The following SLC38A1 variants were observed in gnomAD, a reference collection of about 807,000 sequenced individuals.
The protein encoded by SLC38A1 is solute carrier family 38 member 1, also known as sodium-coupled neutral amino acid symporter 1.
Under a neutral mutation model 60.3 loss-of-function variants are expected in SLC38A1, and 18 were observed. The ratio of observed to expected loss-of-function variants is 0.30; its 90% CI spans 0.21 to 0.44. SLC38A1 has a LOEUF of 0.44. Among genes scored for constraint, SLC38A1 ranks in the 20% least tolerant of loss-of-function variants. The pLI, the probability that SLC38A1 is intolerant of heterozygous loss-of-function variation, is 1.00. For synonymous variants in SLC38A1, 196 were observed against 212.1 expected (o/e 0.92, Z 0.66); for missense variants, 448 against 587.2 (o/e 0.76, Z 2.45).
intron 15 of SLC38A1, 33 bp from the exon 16 acceptor site, chr12:46,197,850 T>C: frequency 6.9e-6 from 11 of 1,602,776 alleles, no homozygotes; most frequent in Non-Finnish European, 9.4e-6. Flanking sequence ...AAGTTTAGCA[T>C]TGCTATTGTG....
At chr12:46,240,560 A>T (rs530915684) in intron 2 of SLC38A1, among the ~76,000 whole-genome samples, 27 of 152,332 alleles carry the variant, frequency 1.8e-4, no homozygotes, top group African/African-American at 5.5e-4. Context: ...CAGAGCACAC[A>T]CATAGCTGGT....
intron 5 of SLC38A1, among the ~76,000 whole-genome samples, chr12:46,214,458 A>T (rs1012815510): frequency 1.3e-5 from 2 of 152,236 alleles, no homozygotes; most frequent in Non-Finnish European, 2.9e-5. Context: ...TAATTTACCC[A>T]AAGATTATAT....
At chr12:46,211,568 T>C (rs951320570) in intron 5 of SLC38A1, among the ~76,000 whole-genome samples, 1 of 152,270 alleles carries the variant, frequency 6.6e-6, no homozygotes, top group African/African-American at 2.4e-5. Context: ...ACACAATCTA[T>C]GTGTTGAATC....
chr12:46,250,338 C>T (rs1941791434), intron 1 of SLC38A1, among the ~76,000 whole-genome samples: 1 of 152,162 alleles, frequency 6.6e-6, no homozygotes, highest in African/African-American at 2.4e-5. Flanking sequence ...GAACGTTTCT[C>T]AAAATAACAA....
In SLC38A1 at chr12:46,198,763, AG is replaced by A; in HGVS notation, c.1004-21del. 6.6e-7 allele frequency: 1 copy of A among 1,510,544 alleles called. No homozygotes were observed. The highest frequency in any genetic ancestry group is 9.1e-7 in the Non-Finnish European group (1 of 1,098,670). The allele number at this position is 1,510,544 out of a possible 1,614,324, so 93.6% of individuals were successfully genotyped here. ...CGTTGTCTAAAATGAGGGAAAAGCA[AG>A]AGGGTTTTAAAAGGAGACAAAGTAT... On this transcript the variant is annotated intron_variant, in intron 13 of 16. Transcript: ENST00000398637.
At chr12:46,210,562 C>G (rs529355567) in intron 5 of SLC38A1, among the ~76,000 whole-genome samples, 2 of 152,036 alleles carry the variant, frequency 1.3e-5, no homozygotes, top group Non-Finnish European at 2.9e-5. Context: ...GTGTCCCCAC[C>G]GAAATCTCAC....
chr12:46,252,165 A>C (rs1369017628), intron 1 of SLC38A1, among the ~76,000 whole-genome samples: 1 of 152,248 alleles, frequency 6.6e-6, no homozygotes, highest in Non-Finnish European at 1.5e-5. Flanking sequence ...GCCATAAAAA[A>C]GGATGAGTTC....
intron 1 of SLC38A1, among the ~76,000 whole-genome samples, chr12:46,260,319 G>A (rs952466821): frequency 1.3e-5 from 2 of 152,178 alleles, no homozygotes; most frequent in Non-Finnish European, 2.9e-5. Flanking sequence ...CTTCAGGGCT[G>A]TAGTGTCAAG....
At chr12:46,197,879 G>A (rs780633928) in intron 15 of SLC38A1, 40 bp downstream of exon 15, 2 of 1,607,060 alleles carry the variant, frequency 1.2e-6, no homozygotes, top group Admixed American at 1.7e-5. Context: ...CCTGCAAACA[G>A]CTACTGTAGA....
At chr12:46,227,774 C>T (rs73101199) in intron 5 of SLC38A1, among the ~76,000 whole-genome samples, 58 of 152,212 alleles carry the variant, frequency 3.8e-4, no homozygotes, top group Non-Finnish European at 6.9e-4. Flanking sequence ...TTTTCTTGCA[C>T]AATTTCCTTG....
chr12:46,215,318 A>G (rs1940356651), intron 5 of SLC38A1, among the ~76,000 whole-genome samples: 1 of 152,222 alleles, frequency 6.6e-6, no homozygotes, highest in African/African-American at 2.4e-5. Context: ...AAAAGCACTT[A>G]CAACTGAATC....
chr12:46,262,817 A>G (rs1942239905), intron 1 of SLC38A1, among the ~76,000 whole-genome samples: 1 of 152,246 alleles, frequency 6.6e-6, no homozygotes, highest in Admixed American at 6.5e-5. Flanking sequence ...GTAATAAAAG[A>G]CACTATATAA....
Position 46,229,545 on chromosome 12 carries a change from T to C in SLC38A1, c.198+19A>G. ...ATATGATTAAAAAAATAAGCATACT[T>C]CATTATAATGATACTTACATACTCA... On this transcript the variant is annotated intron_variant, in intron 4 of 16. Coordinates refer to ENST00000398637, the MANE Select transcript of SLC38A1 (RefSeq NM_030674.4). 1 of 1,569,256 alleles carries C rather than the reference T, an allele frequency of 6.4e-7. No homozygotes were observed. Among genetic ancestry groups the C allele is most frequent in the Non-Finnish European group, 8.8e-7 (1 of 1,140,074 alleles).
chr12:46,245,469 T>C (rs1170839065), intron 1 of SLC38A1, among the ~76,000 whole-genome samples: 2 of 152,216 alleles, frequency 1.3e-5, no homozygotes, highest in Non-Finnish European at 2.9e-5. Context: ...TAACAAGTGT[T>C]GGCAAGGGTA....
At chr12:46,261,109 C>T (rs1260037521) in intron 1 of SLC38A1, among the ~76,000 whole-genome samples, 1 of 152,202 alleles carries the variant, frequency 6.6e-6, no homozygotes, top group Non-Finnish European at 1.5e-5. Flanking sequence ...CCTGGACACA[C>T]CCTCTCCACC....
chr12:46,218,996 C>A (rs1940538808), intron 5 of SLC38A1, among the ~76,000 whole-genome samples: 2 of 151,994 alleles, frequency 1.3e-5, no homozygotes, highest in South Asian at 2.1e-4. Flanking sequence ...ATGATGTTAC[C>A]CCGAGGAGCA....
intron 1 of SLC38A1, among the ~76,000 whole-genome samples, chr12:46,248,694 C>G (rs912069259): frequency 6.6e-6 from 1 of 152,176 alleles, no homozygotes; most frequent in African/African-American, 2.4e-5. Flanking sequence ...ACAGAACTCT[C>G]CACCCCAAAT....
chr12:46,196,779 C>A (rs924830994), intron 16 of SLC38A1, among the ~76,000 whole-genome samples: 19 of 152,100 alleles, frequency 1.2e-4, no homozygotes, highest in Non-Finnish European at 4.4e-5. Context: ...AAATGGAGCT[C>A]CAGAAGGGAC....
chr12:46,238,107 G>A (rs1941320400), intron 3 of SLC38A1, among the ~76,000 whole-genome samples: 1 of 151,688 alleles, frequency 6.6e-6, no homozygotes, highest in South Asian at 2.1e-4. Flanking sequence ...TTTCTCACTT[G>A]CAGAAGAATA....
Sources: allele counts gnomAD v4.1 joint callset (sites outside exome capture counted in the v4.1 genomes callset), GRCh38; gene constraint gnomAD v4.1.1; transcripts MANE v1.5; gene names NCBI Gene and HGNC (gene_info 2026-07-23, HGNC 2026-07-21).